The following UROC1 variants were observed in gnomAD, a reference collection of about 807,000 sequenced individuals.
UROC1 encodes urocanate hydratase 1.
UROC1 carries 79 observed loss-of-function variants against 89.5 expected under a neutral mutation model. The ratio of observed to expected loss-of-function variants is 0.88; its 90% CI spans 0.74 to 1.06. The LOEUF is 1.06. UROC1 is among the 50% of genes least tolerant of loss of function. The pLI, the probability that UROC1 is intolerant of heterozygous loss-of-function variation, is 0.00. For missense variants in UROC1, 885 were observed against 907.8 expected (o/e 0.97, Z 0.32); for synonymous variants, 361 against 354.8 (o/e 1.02, Z -0.20).
Position 126,488,243 on chromosome 3 carries a change from C to T in UROC1, c.1745G>A (p.Arg582His), listed in dbSNP as rs758929808. 16 of 1,614,120 alleles carry T rather than the reference C, an allele frequency of 9.9e-6. No homozygotes were observed. Among genetic ancestry groups the T allele is most frequent in the African/African-American group, 1.3e-5 (1 of 74,946 alleles). Reference protein sequence around the residue: ...AVQNFVGDACRGATWVALHNG... With the variant: ...AVQNFVGDACHGATWVALHNG... ...GTGAAGGGCGACCCAGGTGGCTCCG[C>T]GACAGGCATCTCCCACGAAGTTCTG... is the stretch of plus-strand genomic sequence containing the variant. Residue 582 changes from arginine (R) to histidine (H), a missense_variant, in exon 18 of 20, where the codon CGC becomes CAC. Coordinates refer to ENST00000290868, the MANE Select transcript of UROC1 (RefSeq NM_144639.3).
intron 16 of UROC1, among the ~76,000 whole-genome samples, chr3:126,491,171 C>T (rs1487477751): frequency 6.6e-6 from 1 of 152,224 alleles, no homozygotes; most frequent in Non-Finnish European, 1.5e-5. Context: ...CAGGTCTCAG[C>T]TCAACGTTAG....
chr3:126,496,179 A>T, intron 14 of UROC1, 71 bp from the exon 15 acceptor site: 1 of 1,483,518 alleles, frequency 6.7e-7, no homozygotes. Context: ...CAGGCTGCTC[A>T]GCTCAGCACA....
At chr3:126,507,023 G>A (rs535696028) in intron 6 of UROC1, among the ~76,000 whole-genome samples, 1 of 151,038 alleles carries the variant, frequency 6.6e-6, no homozygotes, top group East Asian at 2.0e-4. Context: ...AGGTTGCAGT[G>A]AGCCGAGATC....
At chr3:126,500,623 G>A in intron 11 of UROC1, 72 bp downstream of exon 11, 3 of 1,591,016 alleles carry the variant, frequency 1.9e-6, no homozygotes, top group Admixed American at 3.3e-5. Flanking sequence ...GGAGAACTAG[G>A]TGGTGGCCAG....
chr3:126,491,073 C>A (rs1935639986), intron 16 of UROC1, among the ~76,000 whole-genome samples: 3 of 152,168 alleles, frequency 2.0e-5, no homozygotes, highest in Admixed American at 2.0e-4. Context: ...CTGCCTTTCC[C>A]ACCTTCAACA....
rs565957396 is a variant in UROC1 at position 126,487,336 on chromosome 3, C to T, written c.1790+862G>A. Reference sequence around the variant, plus strand: ...TGCAGAAATGCCAGGTACCCAATAGCCAGGCAGCCCTTTTCTGCCCGGAGC... The same window carrying T: ...TGCAGAAATGCCAGGTACCCAATAGTCAGGCAGCCCTTTTCTGCCCGGAGC... On this transcript the variant is annotated intron_variant, in intron 18 of 19. Coordinates refer to ENST00000290868, the MANE Select transcript of UROC1 (RefSeq NM_144639.3). Among the ~76,000 whole-genome samples, 16 of 152,352 alleles carry T rather than the reference C, an allele frequency of 1.1e-4. No individual in the cohort carries two copies. In the East Asian group the frequency reaches 2.9e-3, roughly 28 times the overall value.
rs192706285 is a variant in UROC1, at chr3:126,484,285, C to T, written c.1791-817G>A. On this transcript the variant is annotated intron_variant, in intron 18 of 19. Coordinates refer to ENST00000290868, the MANE Select transcript of UROC1 (RefSeq NM_144639.3). ...CATGTGCACTGGAGCTGTTCCCCATCAGCCTGGGATGACCTTCCCCATCCT... is the reference window on the plus strand; with the variant it reads ...CATGTGCACTGGAGCTGTTCCCCATTAGCCTGGGATGACCTTCCCCATCCT... 2.0e-5 allele frequency among the ~76,000 whole-genome samples: 3 copies of T among 152,330 alleles called. No homozygotes were observed. The East Asian group carries it at 5.8e-4, about 29-fold the overall frequency.
chr3:126,497,938 C>A, intron 14 of UROC1, 113 bp downstream of exon 14: 1 of 1,586,966 alleles, frequency 6.3e-7, no homozygotes, highest in African/African-American at 1.3e-5. Flanking sequence ...TCATCTGCGC[C>A]CAGGTTCCCT....
In UROC1 at chr3:126,482,505, A is replaced by G. The variant is rs1218261353; in HGVS notation, c.1891-20T>C. The G allele has an allele frequency of 6.2e-7, 1 of 1,613,608 alleles. No individual in the cohort carries two copies. Among genetic ancestry groups the G allele is most frequent in the Non-Finnish European group, 8.5e-7 (1 of 1,179,984 alleles). On this transcript the variant is annotated intron_variant, in intron 19 of 19. Coordinates refer to ENST00000290868, the MANE Select transcript of UROC1 (RefSeq NM_144639.3). ...GGCCACCTAGGGCAAGGAGGGGGATAGCAGTCCATGTCAACATAACCGGGC... is the reference window on the plus strand; with the variant it reads ...GGCCACCTAGGGCAAGGAGGGGGATGGCAGTCCATGTCAACATAACCGGGC...
chr3:126,496,083 G>A lies in UROC1; in HGVS notation c.1464C>T (p.Tyr488=). 6.2e-7 allele frequency: 1 copy of A among 1,613,466 alleles called. No individual in the cohort carries two copies. The change falls in exon 15 of 20, where the codon TAC becomes TAT. Residue 488 remains tyrosine, a synonymous_variant. Coordinates refer to ENST00000290868, the MANE Select transcript of UROC1 (RefSeq NM_144639.3). Reference sequence around the variant, plus strand: ...CCCGGATCCAGCGGATGTTGTCCATGTACTGCAGCTTCACAGACACCTTCA... The same window carrying A: ...CCCGGATCCAGCGGATGTTGTCCATATACTGCAGCTTCACAGACACCTTCA... The part of the protein sequence containing the change: ...DGVKVSVKLQ[Y]MDNIRWIREA...
chr3:126,483,061 C>T (rs1935425589), intron 19 of UROC1, among the ~76,000 whole-genome samples: 1 of 152,176 alleles, frequency 6.6e-6, no homozygotes. Flanking sequence ...CTCCTGCCAG[C>T]ACCCTCTCTG....
At chr3:126,495,831 CA>C (rs1935762787) in intron 15 of UROC1, among the ~76,000 whole-genome samples, 1 of 152,228 alleles carries the variant, frequency 6.6e-6, no homozygotes, top group South Asian at 2.1e-4. Flanking sequence ...CTTCTTTCTC[CA>C]GCAGCCCCTT....
Position 126,509,645 on chromosome 3 carries a change from C to G in UROC1, c.291G>C (p.Thr97=), listed in dbSNP as rs1045787843. 2 of 1,552,174 alleles carry G rather than the reference C, an allele frequency of 1.3e-6. No individual in the cohort carries two copies. The highest frequency in any genetic ancestry group is 2.7e-5 in the African/African-American group (2 of 73,134). ...AYPIEQYPCQ[T]KVAAAIMHMI... ...TGTGCATGATGGCGGCAGCCACTTTCGTCTGGCAGGGGTACTGCTCAATCG... is the reference window on the plus strand; with the variant it reads ...TGTGCATGATGGCGGCAGCCACTTTGGTCTGGCAGGGGTACTGCTCAATCG... The change falls in exon 3 of 20, where the codon ACG becomes ACC. Residue 97 remains threonine, a synonymous_variant. Coordinates refer to ENST00000290868, the MANE Select transcript of UROC1 (RefSeq NM_144639.3).
At chr3:126,483,554 G>T in intron 18 of UROC1, 86 bp from the exon 19 acceptor site, 2 of 1,300,140 alleles carry the variant, frequency 1.5e-6, no homozygotes, top group Non-Finnish European at 1.1e-6. Flanking sequence ...GGAAGCATTG[G>T]CTTGAGACGG....
At chr3:126,486,679 G>A (rs974914367) in intron 18 of UROC1, among the ~76,000 whole-genome samples, 2 of 152,226 alleles carry the variant, frequency 1.3e-5, no homozygotes, top group Non-Finnish European at 2.9e-5. Flanking sequence ...GAGGGTGAGC[G>A]CACAGCCTGG....
intron 11 of UROC1, 50 bp from the exon 12 acceptor site, chr3:126,500,204 C>T: frequency 6.3e-7 from 1 of 1,579,586 alleles, no homozygotes; most frequent in Non-Finnish European, 8.7e-7. Flanking sequence ...CTGGGGCCTC[C>T]CCAATGTGGC....
chr3:126,483,248 A>C (rs1288713304), intron 19 of UROC1, 121 bp downstream of exon 19: 4 of 883,178 alleles, frequency 4.5e-6, no homozygotes, highest in South Asian at 1.4e-5. Flanking sequence ...TGCTGTGGTC[A>C]TGAGAGGAAT....
In UROC1 at chr3:126,509,697, C is replaced by T. The variant is rs1382418974; in HGVS notation, c.258-19G>A. 2 of 1,549,886 alleles carry T rather than the reference C, an allele frequency of 1.3e-6. No individual in the cohort carries two copies. Among genetic ancestry groups the T allele is most frequent in the Middle Eastern group, 1.7e-4 (1 of 5,914 alleles). On this transcript the variant is annotated intron_variant, in intron 2 of 19. Transcript: ENST00000290868. ...GTAGGCCCTGCAAGGGAAAGCCCAA[C>T]CACCAGGCTGCCCTTCCCGCCAAAG...
At position 126,498,171 on chromosome 3, in the gene UROC1, C is replaced by G. The variant is rs1298986279; in HGVS notation, c.1318G>C (p.Asp440His). The change falls in exon 14 of 20, where the codon GAC becomes CAC. Residue 440 changes from aspartate to histidine, a missense_variant and splice_region_variant. Asp to His is a moderately conservative substitution (Grantham distance 81, BLOSUM62 -1). Transcript: ENST00000290868. Reference protein sequence around the residue: ...YPSYVQHIMGDIFSQGFGPFR... With the variant: ...YPSYVQHIMGHIFSQGFGPFR... ...GGCCCAAATCCCTGGGAGAATATGT[C>G]CCTGCAAGCACAGATGCCTCCTCAC... The G allele has an allele frequency of 6.2e-7, 1 of 1,614,172 alleles. No individual in the cohort carries two copies. Among genetic ancestry groups the G allele is most frequent in the Non-Finnish European group, 8.5e-7 (1 of 1,180,034 alleles).
Sources: allele counts gnomAD v4.1 joint callset (sites outside exome capture counted in the v4.1 genomes callset), GRCh38; gene constraint gnomAD v4.1.1; transcripts MANE v1.5; gene names NCBI Gene and HGNC (gene_info 2026-07-23, HGNC 2026-07-21).